ATRNL1: variants seen among roughly 807,000 people sequenced by gnomAD.
ATRNL1 encodes attractin like 1.
In ATRNL1, 95 loss-of-function variants were observed where a neutral mutation model predicts 182.7. That is an observed-to-expected ratio of 0.52 (90% CI 0.44 to 0.62). The LOEUF (loss-of-function observed/expected upper bound fraction) is 0.62, where lower values mean the gene tolerates loss of function less well. ATRNL1 is among the 20% of genes least tolerant of loss of function. ATRNL1 has a pLI of 0.00. For synonymous variants in ATRNL1, 576 were observed against 568.3 expected (o/e 1.01, Z -0.19); for missense variants, 1,471 against 1,679.5 (o/e 0.88, Z 2.17).
At chr10:115,503,739 G>A (rs1023512081) in intron 24 of ATRNL1, among the ~76,000 whole-genome samples, 6 of 150,956 alleles carry the variant, frequency 4.0e-5, no homozygotes, top group African/African-American at 1.5e-4. Context: ...TACCCAGACT[G>A]TTCATGACAT....
At chr10:115,297,363 C>T (rs947743605) in intron 15 of ATRNL1, among the ~76,000 whole-genome samples, 5 of 152,060 alleles carry the variant, frequency 3.3e-5, no homozygotes, top group South Asian at 4.2e-4. Context: ...AATTACCGTC[C>T]GGGCGTGGTG....
chr10:115,199,193 G>A (rs1184657560), intron 8 of ATRNL1, among the ~76,000 whole-genome samples: 1 of 151,542 alleles, frequency 6.6e-6, no homozygotes, highest in Admixed American at 6.6e-5. Flanking sequence ...ATGTTTTATA[G>A]TTTTCATTGT....
Position 115,334,333 on chromosome 10 carries a change from A to G in ATRNL1, c.3089A>G (p.Gln1030Arg). ...STCINNNVCE[Q>R]CKNLTTGKQC... ...TGCATCAATAATAATGTGTGCGAAC[A>G]GTGTAAAAATCTCACCACAGGAAAG... The change falls in exon 19 of 29, where the codon CAG becomes CGG. Residue 1030 changes from glutamine (Q) to arginine (R), a missense_variant. By Grantham distance (43) the Gln-to-Arg change is conservative (BLOSUM62 1). Coordinates refer to ENST00000355044, the MANE Select transcript of ATRNL1 (RefSeq NM_207303.4). 1 of 1,603,546 alleles carries G rather than the reference A, an allele frequency of 6.2e-7. No homozygotes were observed. The highest frequency in any genetic ancestry group is 1.1e-5 in the South Asian group (1 of 89,842).
chr10:115,729,454 T>C (rs1403343154), intron 27 of ATRNL1, among the ~76,000 whole-genome samples: 1 of 151,668 alleles, frequency 6.6e-6, no homozygotes, highest in Admixed American at 6.6e-5. Flanking sequence ...AACACTGACA[T>C]TAACTACTGT....
At chr10:115,353,380 A>T (rs997690327) in intron 19 of ATRNL1, among the ~76,000 whole-genome samples, 1 of 152,142 alleles carries the variant, frequency 6.6e-6, no homozygotes, top group Non-Finnish European at 1.5e-5. Flanking sequence ...TGACATAGGT[A>T]TAGCTATTCT....
At chr10:115,204,854 T>G (rs747157902) in intron 8 of ATRNL1, among the ~76,000 whole-genome samples, 30 of 152,098 alleles carry the variant, frequency 2.0e-4, no homozygotes, top group Non-Finnish European at 4.1e-4. Context: ...TGTTGTTAAT[T>G]CTTCTTTAGA....
chr10:115,475,305 G>A (rs1848481475), intron 24 of ATRNL1, among the ~76,000 whole-genome samples: 1 of 151,412 alleles, frequency 6.6e-6, no homozygotes, highest in African/African-American at 2.4e-5. Context: ...TGCATGAAAT[G>A]CTGCTATCAT....
At chr10:115,171,460 C>T (rs1230161949) in intron 8 of ATRNL1, 168 bp downstream of exon 8, 2 of 552,330 alleles carry the variant, frequency 3.6e-6, no homozygotes, top group South Asian at 6.2e-5. Context: ...AGATTTTGTC[C>T]TTTAATATTT....
chr10:115,543,054 G>A (rs1852449933), intron 25 of ATRNL1, among the ~76,000 whole-genome samples: 1 of 152,144 alleles, frequency 6.6e-6, no homozygotes, highest in Non-Finnish European at 1.5e-5. Flanking sequence ...ATATGAATTT[G>A]AGAACACAAT....
At position 115,171,087 on chromosome 10, in the gene ATRNL1, C is replaced by A; in HGVS notation, c.1143C>A (p.Val381=). Residue 381 remains valine, a synonymous_variant, in exon 8 of 29, where the codon GTC becomes GTA. Coordinates refer to ENST00000355044, the MANE Select transcript of ATRNL1 (RefSeq NM_207303.4). The part of the protein sequence containing the change: ...GGRIETNDGN[V]TDELWVFNIH... ...GAATTGAAACAAATGATGGCAATGT[C>A]ACAGATGAATTATGGGTTTTTAACA... The A allele has an allele frequency of 1.9e-6, 3 of 1,588,390 alleles. No individual in the cohort carries two copies. The highest frequency in any genetic ancestry group is 2.6e-6 in the Non-Finnish European group (3 of 1,165,246).
chr10:115,343,839 A>C (rs905630341), intron 19 of ATRNL1, among the ~76,000 whole-genome samples: 2 of 152,210 alleles, frequency 1.3e-5, no homozygotes, highest in African/African-American at 4.8e-5. Flanking sequence ...TGTATCTGCT[A>C]TAGGGGGGAC....
chr10:115,387,906 A>G (rs151320313), intron 19 of ATRNL1, among the ~76,000 whole-genome samples: 111 of 152,256 alleles, frequency 7.3e-4, no homozygotes, highest in African/African-American at 2.5e-3. Context: ...TACTTATGTT[A>G]TGATATATAG....
At chr10:115,322,860 T>C (rs1854651513) in intron 18 of ATRNL1, among the ~76,000 whole-genome samples, 1 of 152,164 alleles carries the variant, frequency 6.6e-6, no homozygotes, top group South Asian at 2.1e-4. Flanking sequence ...GTTAATCTTA[T>C]TGGGCTTTTT....
rs1315909185 is a variant in ATRNL1, at chr10:115,394,816, T to A, written c.3269+64T>A. The A allele has an allele frequency of 4.8e-6, 6 of 1,257,522 alleles. No individual in the cohort carries two copies. In the East Asian group the frequency reaches 1.5e-4, roughly 31 times the overall value. 77.9% of individuals were successfully genotyped at this position (1,257,522 alleles called of 1,614,324 possible). A position where few individuals can be genotyped will look rare whatever the true frequency, so the allele number is the denominator to read the frequency against. ...ATTTGTGTTGTTGAAGTAATTTTTA[T>A]GTTTTACTTTTTAATTTAGTGTTGT... On this transcript the variant is annotated intron_variant, in intron 20 of 28. Transcript: ENST00000355044.
At chr10:115,762,099 T>C (rs1195903943) in intron 27 of ATRNL1, among the ~76,000 whole-genome samples, 1 of 152,188 alleles carries the variant, frequency 6.6e-6, no homozygotes. Context: ...ACTTGCTCCA[T>C]GTATGACACC....
intron 22 of ATRNL1, among the ~76,000 whole-genome samples, chr10:115,466,950 A>T (rs782036072): frequency 6.6e-6 from 1 of 151,038 alleles, no homozygotes; most frequent in Non-Finnish European, 1.5e-5. Context: ...CAAAAGACCA[A>T]ATTATAATAG....
At chr10:115,616,964 A>G (rs1555020992) in intron 26 of ATRNL1, among the ~76,000 whole-genome samples, 1 of 152,216 alleles carries the variant, frequency 6.6e-6, no homozygotes, top group African/African-American at 2.4e-5. Context: ...TCACTGGGGC[A>G]CTGCCTAGTG....
intron 18 of ATRNL1, among the ~76,000 whole-genome samples, chr10:115,328,171 T>A (rs1184096117): frequency 6.6e-6 from 1 of 151,990 alleles, no homozygotes; most frequent in Non-Finnish European, 1.5e-5. Flanking sequence ...TTAATAACAT[T>A]ATTGTAAAGA....
rs995542092 is a variant in ATRNL1 at position 115,689,396 on chromosome 10, G to T, written c.3796-37852G>T. Among the ~76,000 whole-genome samples the T allele has an allele frequency of 2.0e-5, 3 of 152,194 alleles. No individual in the cohort carries two copies. The East Asian group carries it at 5.8e-4, about 29-fold the overall frequency. On this transcript the variant is annotated intron_variant, in intron 26 of 28. Coordinates refer to ENST00000355044, the MANE Select transcript of ATRNL1 (RefSeq NM_207303.4). ...TGTAGGCATTTATTGCTAAAAACTT[G>T]CCTCTTAGCACTGCTTTGTTTTTGT...
Sources: gnomAD v4.1 joint callset for allele counts (sites outside exome capture counted in the v4.1 genomes callset) on GRCh38, gnomAD v4.1.1 for gene constraint, MANE v1.5 for transcripts, NCBI Gene and HGNC (gene_info 2026-07-23, HGNC 2026-07-21) for gene names.